The following NCEH1 variants were observed in gnomAD, a reference collection of about 807,000 sequenced individuals.
The protein encoded by NCEH1 is 2-acetyl MAGE hydrolase.
A neutral mutation model predicts 25.4 loss-of-function variants in NCEH1; 9 were observed. The ratio of observed to expected loss-of-function variants is 0.35; its 90% CI spans 0.21 to 0.62. NCEH1 has a LOEUF of 0.62. Among genes scored for constraint, NCEH1 ranks in the 20% least tolerant of loss-of-function variants. NCEH1 has a pLI of 0.72. For missense variants in NCEH1, 412 were observed against 501.1 expected (o/e 0.82, Z 1.70); for synonymous variants, 200 against 199.8 (o/e 1.00, Z -0.01).
chr3:172,692,960 G>C (rs763307158), intron 1 of NCEH1, among the ~76,000 whole-genome samples: 1 of 152,238 alleles, frequency 6.6e-6, no homozygotes, highest in African/African-American at 2.4e-5. Context: ...TCTTCCTATT[G>C]AAAGAGTGCT....
intron 1 of NCEH1, among the ~76,000 whole-genome samples, chr3:172,649,325 T>C (rs1717287395): frequency 6.6e-6 from 1 of 152,138 alleles, no homozygotes. Context: ...CATTAGCAAA[T>C]GTTAATGAAA....
In NCEH1 at chr3:172,631,331, A is replaced by G. The variant is rs1287867268; in HGVS notation, c.*2144T>C. ...GTTCCTTCAAATGGTGTCAAAAAGA[A>G]TAGTATTATATGAGGAGGATAGTTA... On this transcript the variant is annotated 3_prime_UTR_variant, in exon 5 of 5. Transcript: ENST00000475381. The G allele has an allele frequency of 6.6e-6, 1 of 152,278 alleles. No individual in the cohort carries two copies. The highest frequency in any genetic ancestry group is 1.9e-4 in the East Asian group (1 of 5,198). 9.4% of individuals were successfully genotyped at this position (152,278 alleles called of 1,614,324 possible).
intron 3 of NCEH1, among the ~76,000 whole-genome samples, chr3:172,645,044 G>A (rs556433160): frequency 1.3e-5 from 2 of 152,122 alleles, no homozygotes; most frequent in African/African-American, 4.8e-5. Flanking sequence ...CAAAAAAGAT[G>A]GCGTGATTTT....
intron 1 of NCEH1, among the ~76,000 whole-genome samples, chr3:172,669,796 C>G (rs1711515991): frequency 1.3e-5 from 2 of 152,200 alleles, no homozygotes; most frequent in Admixed American, 1.3e-4. Flanking sequence ...CTTGGCCTCC[C>G]AAAGGGCTGG....
intron 1 of NCEH1, among the ~76,000 whole-genome samples, chr3:172,679,588 G>A (rs1469524719): frequency 6.6e-6 from 1 of 151,190 alleles, no homozygotes; most frequent in Non-Finnish European, 1.5e-5. Context: ...GATAATACAG[G>A]GGTTATTAAC....
At chr3:172,679,586 A>C (rs1008292949) in intron 1 of NCEH1, among the ~76,000 whole-genome samples, 3 of 151,936 alleles carry the variant, frequency 2.0e-5, no homozygotes, top group African/African-American at 7.3e-5. Flanking sequence ...CAGATAATAC[A>C]GGGGTTATTA....
At chr3:172,698,360 GGAAGAA>G (rs1289625897) in intron 1 of NCEH1, among the ~76,000 whole-genome samples, 4 of 152,264 alleles carry the variant, frequency 2.6e-5, no homozygotes, top group Non-Finnish European at 4.4e-5. Flanking sequence ...TCACAAACAA[GGAAGAA>G]CTGTGTTCAG....
At chr3:172,691,809 G>A (rs143080652) in intron 1 of NCEH1, among the ~76,000 whole-genome samples, 1,154 of 149,238 alleles carry the variant, frequency 7.7e-3, no homozygotes, top group Non-Finnish European at 0.01. Flanking sequence ...TTAGCCGGGC[G>A]TGGTGGCAGC....
intron 1 of NCEH1, among the ~76,000 whole-genome samples, chr3:172,656,978 TTTC>T (rs1021729590): frequency 2.0e-5 from 3 of 152,134 alleles, no homozygotes; most frequent in African/African-American, 7.2e-5. Flanking sequence ...TCTTCTCCAG[TTTC>T]TTGTTTTTCT....
chr3:172,666,947 A>G (rs1162276929), intron 1 of NCEH1, among the ~76,000 whole-genome samples: 1 of 152,142 alleles, frequency 6.6e-6, no homozygotes, highest in African/African-American at 2.4e-5. Context: ...TTCCACCTCC[A>G]ACAGTGAGAT....
intron 1 of NCEH1, among the ~76,000 whole-genome samples, chr3:172,670,921 C>A (rs991303983): frequency 3.9e-5 from 6 of 151,996 alleles, no homozygotes; most frequent in Non-Finnish European, 7.4e-5. Flanking sequence ...AGATAGTAAC[C>A]AGATAAATGA....
chr3:172,642,644 T>G (rs1577054296), intron 3 of NCEH1, among the ~76,000 whole-genome samples: 1 of 148,940 alleles, frequency 6.7e-6, no homozygotes, highest in African/African-American at 2.5e-5. Flanking sequence ...AAAAAAGTAC[T>G]GTGAGTTCCA....
chr3:172,655,963 C>A (rs1474432250), intron 1 of NCEH1, among the ~76,000 whole-genome samples: 3 of 152,058 alleles, frequency 2.0e-5, no homozygotes, highest in East Asian at 3.8e-4. Flanking sequence ...GTTAGTGTGG[C>A]AACAGAAACA....
At chr3:172,642,176 T>C (rs1716881077) in intron 3 of NCEH1, among the ~76,000 whole-genome samples, 1 of 147,346 alleles carries the variant, frequency 6.8e-6, no homozygotes, top group South Asian at 2.1e-4. Context: ...TCTATTTTTT[T>C]GTTTTGTTTT....
intron 1 of NCEH1, among the ~76,000 whole-genome samples, chr3:172,707,473 A>G (rs960083576): frequency 5.3e-5 from 8 of 152,268 alleles, no homozygotes; most frequent in African/African-American, 1.7e-4. Flanking sequence ...TATAACACGC[A>G]GTTTAAGGAA....
intron 1 of NCEH1, among the ~76,000 whole-genome samples, chr3:172,687,553 C>G (rs1267572557): frequency 6.6e-6 from 1 of 152,194 alleles, no homozygotes; most frequent in Admixed American, 6.5e-5. Flanking sequence ...AAACTCATGT[C>G]TTCAAGGACC....
chr3:172,688,809 C>G (rs1712857066), intron 1 of NCEH1, among the ~76,000 whole-genome samples: 1 of 152,000 alleles, frequency 6.6e-6, no homozygotes, highest in South Asian at 2.1e-4. Flanking sequence ...GGCCCTTGTC[C>G]TTGGGGCTGA....
chr3:172,636,372 T>C (rs940601454), intron 3 of NCEH1, among the ~76,000 whole-genome samples: 4 of 149,730 alleles, frequency 2.7e-5, no homozygotes, highest in Admixed American at 2.0e-4. Context: ...ACAACCAAAA[T>C]AAAACTAACA....
chr3:172,684,476 G>T (rs772602602), intron 1 of NCEH1, among the ~76,000 whole-genome samples: 10 of 134,390 alleles, frequency 7.4e-5, no homozygotes, highest in Non-Finnish European at 1.6e-4. Context: ...CCAGGCACTG[G>T]ATAATTACAA....
Sources: gnomAD v4.1 joint callset for allele counts (sites outside exome capture counted in the v4.1 genomes callset) on GRCh38, gnomAD v4.1.1 for gene constraint, MANE v1.5 for transcripts, NCBI Gene and HGNC (gene_info 2026-07-23, HGNC 2026-07-21) for gene names.